The following GPHN variants were observed in gnomAD, a reference collection of about 807,000 sequenced individuals.
GPHN encodes gephyrin.
A neutral mutation model predicts 95.5 loss-of-function variants in GPHN; 17 were observed. The ratio of observed to expected loss-of-function variants is 0.18; its 90% CI spans 0.12 to 0.27. The LOEUF (loss-of-function observed/expected upper bound fraction) is 0.27, where lower values mean the gene tolerates loss of function less well. Ranked by LOEUF, GPHN falls within the 10% of genes least tolerant of loss-of-function variation. GPHN has a pLI of 1.00. For synonymous variants in GPHN, 320 were observed against 322.5 expected (o/e 0.99, Z 0.08); for missense variants, 660 against 978.1 (o/e 0.67, Z 4.34).
the GPHN span, among the ~76,000 whole-genome samples, chr14:67,318,833 G>A: frequency 3.9e-5 from 6 of 152,012 alleles, no homozygotes; most frequent in African/African-American, 9.7e-5. Flanking sequence ...CGAGGCAGGC[G>A]GATCACGAGG....
Position 67,167,910 on chromosome 14 carries a change from G to C in GPHN, c.1976-1023G>C, listed in dbSNP as rs865971849. Among the ~76,000 whole-genome samples, 3 of 152,174 alleles carry C rather than the reference G, an allele frequency of 2.0e-5. No individual in the cohort carries two copies. The South Asian group carries it at 6.2e-4, about 32-fold the overall frequency. On this transcript the variant is annotated intron_variant, in intron 20 of 22. Transcript: ENST00000478722. ...ATCTGTTATTTACAGCCCAGTGGTT[G>C]TTTGCTTCTTCACAGCCCACCCTTC...
chr14:66,933,481 A>C (rs551770231), intron 8 of GPHN, among the ~76,000 whole-genome samples: 1 of 152,350 alleles, frequency 6.6e-6, no homozygotes, highest in South Asian at 2.1e-4. Flanking sequence ...CCTATTAGAA[A>C]GAAAAATTAC....
intron 1 of GPHN, among the ~76,000 whole-genome samples, chr14:66,651,934 G>A (rs2065063166): frequency 6.6e-6 from 1 of 151,862 alleles, no homozygotes; most frequent in Admixed American, 6.6e-5. Flanking sequence ...ATATTACAAT[G>A]TAATAATAGA....
intron 1 of GPHN, among the ~76,000 whole-genome samples, chr14:66,609,017 A>G (rs2062667039): frequency 6.6e-6 from 1 of 152,162 alleles, no homozygotes; most frequent in South Asian, 2.1e-4. Context: ...GTTTTGATAC[A>G]GAAATTGTGT....
At chr14:66,708,848 G>A (rs183627092) in intron 2 of GPHN, among the ~76,000 whole-genome samples, 36 of 152,090 alleles carry the variant, frequency 2.4e-4, no homozygotes, top group African/African-American at 7.0e-4. Flanking sequence ...AGCAAGTACG[G>A]AGCTCAAAAG....
At chr14:66,650,134 T>C (rs964868070) in intron 1 of GPHN, among the ~76,000 whole-genome samples, 1 of 146,084 alleles carries the variant, frequency 6.8e-6, no homozygotes, top group African/African-American at 2.5e-5. Context: ...ATACCGAGAG[T>C]CTTACATAAG....
chr14:67,732,117 ACT>A, the GPHN span, among the ~76,000 whole-genome samples: 15 of 131,154 alleles, frequency 1.1e-4, no homozygotes, highest in African/African-American at 4.1e-4. Context: ...ACAGAATGAG[ACT>A]CTGTCTCAAA....
At chr14:66,971,898 A>G (rs577062229) in intron 9 of GPHN, among the ~76,000 whole-genome samples, 10 of 152,324 alleles carry the variant, frequency 6.6e-5, no homozygotes, top group African/African-American at 2.4e-4. Context: ...CTCATCTAAA[A>G]AGTCTGGAAT....
At chr14:67,124,916 C>G (rs1256335100) in intron 17 of GPHN, among the ~76,000 whole-genome samples, 1 of 151,482 alleles carries the variant, frequency 6.6e-6, no homozygotes, top group African/African-American at 2.4e-5. Context: ...TGTTGGTATG[C>G]TGATATTTTT....
At chr14:66,942,264 A>T (rs960501495) in intron 8 of GPHN, among the ~76,000 whole-genome samples, 1 of 152,210 alleles carries the variant, frequency 6.6e-6, no homozygotes, top group Non-Finnish European at 1.5e-5. Context: ...CACACACCTC[A>T]GCTTCCCAAA....
At chr14:67,426,737 G>A in the GPHN span, among the ~76,000 whole-genome samples, 9 of 152,184 alleles carry the variant, frequency 5.9e-5, no homozygotes, top group South Asian at 6.2e-4. Flanking sequence ...CACCATGCCC[G>A]GCTAATTTTG....
the GPHN span, among the ~76,000 whole-genome samples, chr14:67,646,099 C>A: frequency 6.6e-6 from 1 of 152,306 alleles, no homozygotes; most frequent in African/African-American, 2.4e-5. Flanking sequence ...ACACACTGAT[C>A]TAGAAGACAA....
chr14:66,780,875 G>A (rs2059579949), intron 3 of GPHN, among the ~76,000 whole-genome samples: 1 of 152,148 alleles, frequency 6.6e-6, no homozygotes, highest in Non-Finnish European at 1.5e-5. Context: ...TAATATCTGA[G>A]TAATCTTAAA....
chr14:67,694,255 C>G, the GPHN span, among the ~76,000 whole-genome samples: 2 of 152,040 alleles, frequency 1.3e-5, no homozygotes, highest in African/African-American at 4.8e-5. Context: ...AGAAAACAAG[C>G]CTCTAGGCTG....
At chr14:66,538,856 A>G (rs2059239736) in intron 1 of GPHN, among the ~76,000 whole-genome samples, 1 of 151,834 alleles carries the variant, frequency 6.6e-6, no homozygotes, top group African/African-American at 2.4e-5. Flanking sequence ...TGAAATTAAT[A>G]AATTTCACAT....
At chr14:66,629,734 G>T (rs1040118429) in intron 1 of GPHN, among the ~76,000 whole-genome samples, 1 of 152,058 alleles carries the variant, frequency 6.6e-6, no homozygotes, top group Non-Finnish European at 1.5e-5. Flanking sequence ...TGATGGCTAT[G>T]ACATCACTAT....
intron 8 of GPHN, among the ~76,000 whole-genome samples, chr14:66,936,853 C>T (rs1029884419): frequency 3.3e-5 from 5 of 152,120 alleles, no homozygotes; most frequent in African/African-American, 4.8e-5. Context: ...CAGGACTAAA[C>T]TTATTTGCAT....
chr14:66,785,379 TTAA>T (rs1407748998), intron 3 of GPHN, among the ~76,000 whole-genome samples: 1 of 151,772 alleles, frequency 6.6e-6, no homozygotes, highest in Non-Finnish European at 1.5e-5. Context: ...AATAAATAAA[TTAA>T]TAAATAAATA....
intron 1 of GPHN, among the ~76,000 whole-genome samples, chr14:66,570,160 T>C (rs536917760): frequency 4.6e-5 from 7 of 152,246 alleles, no homozygotes; most frequent in African/African-American, 1.7e-4. Context: ...CCAATGTATA[T>C]GTATATACCA....
Sources: allele counts gnomAD v4.1 joint callset (sites outside exome capture counted in the v4.1 genomes callset), GRCh38; gene constraint gnomAD v4.1.1; transcripts MANE v1.5; gene names NCBI Gene and HGNC (gene_info 2026-07-23, HGNC 2026-07-21).